AASDH: variants seen among roughly 807,000 people sequenced by gnomAD.
The protein encoded by AASDH is beta-alanine-activating enzyme.
A neutral mutation model predicts 102.3 loss-of-function variants in AASDH; 81 were observed. The ratio of observed to expected loss-of-function variants is 0.79; its 90% CI spans 0.66 to 0.95. The LOEUF (loss-of-function observed/expected upper bound fraction) is 0.95, where lower values mean the gene tolerates loss of function less well. Ranked by LOEUF, AASDH falls within the 40% of genes least tolerant of loss-of-function variation. The pLI is 0.00. For synonymous variants in AASDH, 398 were observed against 454.0 expected, an observed-to-expected ratio of 0.88 and a Z score of 1.57; for missense variants, 1,203 against 1,266.2, an observed-to-expected ratio of 0.95 and a Z score of 0.76.
At chr4:56,385,296 A>G (rs1233287338) in intron 1 of AASDH, among the ~76,000 whole-genome samples, 1 of 152,214 alleles carries the variant, frequency 6.6e-6, no homozygotes, top group East Asian at 1.9e-4. Context: ...TACTTGTATA[A>G]TTGTCAAGAA....
chr4:56,374,776 T>C (rs1752161020), intron 4 of AASDH, among the ~76,000 whole-genome samples: 1 of 152,208 alleles, frequency 6.6e-6, no homozygotes. Context: ...CTCAGTCCCC[T>C]AGATACTGCG....
intron 5 of AASDH, among the ~76,000 whole-genome samples, chr4:56,370,287 C>T (rs79018545): frequency 0.021 from 3,124 of 151,910 alleles, 48 homozygotes; most frequent in South Asian, 0.046. Context: ...CGCCGGAACC[C>T]AGGAGGCAGA....
chr4:56,356,082 T>C (rs962383338), intron 5 of AASDH: 5 of 598,168 alleles, frequency 8.4e-6, no homozygotes, highest in African/African-American at 3.7e-5. Flanking sequence ...ATAAAAAGTA[T>C]ACAAAAGGGT....
chr4:56,365,909 C>CA (rs1241288859), intron 5 of AASDH, among the ~76,000 whole-genome samples: 5 of 151,938 alleles, frequency 3.3e-5, no homozygotes, highest in East Asian at 1.9e-4. Context: ...AAAATCCCTT[C>CA]AAAAAATCAA....
intron 5 of AASDH, among the ~76,000 whole-genome samples, chr4:56,363,420 G>C (rs1159969307): frequency 1.3e-5 from 2 of 152,266 alleles, no homozygotes; most frequent in Admixed American, 6.5e-5. Context: ...CGGGCAGACT[G>C]CCTCCTCAAG....
At chr4:56,383,781 T>A (rs1753243433) in intron 2 of AASDH, among the ~76,000 whole-genome samples, 2 of 152,228 alleles carry the variant, frequency 1.3e-5, no homozygotes, top group Non-Finnish European at 2.9e-5. Context: ...GTGTTATAAA[T>A]TGTTATAATT....
Position 56,342,866 on chromosome 4 carries a change from T to A in AASDH, c.2876A>T (p.Asn959Ile). 2 of 1,523,278 alleles carry A rather than the reference T, an allele frequency of 1.3e-6. No homozygotes were observed. The highest frequency in any genetic ancestry group is 1.8e-6 in the Non-Finnish European group (2 of 1,132,432). The allele number at this position is 1,523,278 out of a possible 1,614,324, so 94.4% of individuals were successfully genotyped here. A position where few individuals can be genotyped will look rare whatever the true frequency, so the allele number is the denominator to read the frequency against. Residue 959 changes from asparagine (N) to isoleucine (I), a missense_variant, in exon 14 of 15, where the codon AAT (asparagine) becomes ATT (isoleucine). Physicochemically the swap from Asn to Ile is moderately radical, Grantham distance 149. Coordinates refer to ENST00000205214, the MANE Select transcript of AASDH (RefSeq NM_181806.4). ...QYICIGCVDG[N>I]LLCFTHFGEQ... ...TCCAAAGTGAGTAAAGCAGAGTAAA[T>A]TCCCATCTACACAGCCAATACAAAT... is the stretch of plus-strand genomic sequence containing the variant.
chr4:56,345,662 G>A (rs1312887926), intron 11 of AASDH, among the ~76,000 whole-genome samples: 1 of 152,150 alleles, frequency 6.6e-6, no homozygotes, highest in Non-Finnish European at 1.5e-5. Context: ...GTGTTGCTAA[G>A]CCCCAAATTA....
intron 3 of AASDH, 117 bp from the exon 4 acceptor site, chr4:56,378,581 G>A: frequency 1.1e-6 from 1 of 944,414 alleles, no homozygotes; most frequent in Non-Finnish European, 1.6e-6. Flanking sequence ...ATTGGTTCTA[G>A]GATCATCTCA....
At chr4:56,345,085 G>T in intron 12 of AASDH, 42 bp downstream of exon 12, 1 of 1,602,514 alleles carries the variant, frequency 6.2e-7, no homozygotes. Context: ...ACCATTACAG[G>T]CATGCGCCAC....
chr4:56,346,568 C>T (rs574061150), intron 11 of AASDH, among the ~76,000 whole-genome samples: 9 of 152,172 alleles, frequency 5.9e-5, no homozygotes, highest in South Asian at 4.2e-4. Flanking sequence ...TATGTCACTA[C>T]GCTAAAAGAA....
In AASDH at chr4:56,356,217, A is replaced by G; in HGVS notation, c.862-794T>C. On this transcript the variant is annotated intron_variant, in intron 5 of 14. Transcript: ENST00000205214. Reference sequence around the variant, plus strand: ...AAGCAGGAGGACAAGAAAGTGGTGAATCCCCTGTTTGAGAAAAGGCCTAAG... The same window carrying G: ...AAGCAGGAGGACAAGAAAGTGGTGAGTCCCCTGTTTGAGAAAAGGCCTAAG... 5.3e-6 allele frequency: 4 copies of G among 760,148 alleles called. No individual in the cohort carries two copies. In the Admixed American group the frequency reaches 7.0e-5, roughly 13 times the overall value. The allele number at this position is 760,148 out of a possible 1,614,324, so 47.1% of individuals were successfully genotyped here.
intron 1 of AASDH, among the ~76,000 whole-genome samples, chr4:56,384,657 TA>T (rs148288440): frequency 0.016 from 2,418 of 152,174 alleles, 75 homozygotes; most frequent in African/African-American, 0.055. Context: ...ATGAAATATA[TA>T]AAAAATTAAT....
intron 5 of AASDH, among the ~76,000 whole-genome samples, chr4:56,363,133 AGC>A (rs1370536464): frequency 1.3e-5 from 2 of 152,228 alleles, no homozygotes; most frequent in East Asian, 3.9e-4. Flanking sequence ...TTGCTAGCAC[AGC>A]AGTCTGAGAT....
intron 1 of AASDH, among the ~76,000 whole-genome samples, chr4:56,385,894 C>T (rs774135695): frequency 6.6e-6 from 1 of 151,938 alleles, no homozygotes; most frequent in Non-Finnish European, 1.5e-5. Context: ...CAGGCGGAGC[C>T]ACCGCGCCCG....
chr4:56,362,995 G>A (rs961241705), intron 5 of AASDH, among the ~76,000 whole-genome samples: 1 of 152,188 alleles, frequency 6.6e-6, no homozygotes, highest in Non-Finnish European at 1.5e-5. Flanking sequence ...GGTGACAGAC[G>A]GCACCTGGAA....
rs1218020199 is a variant in AASDH, at chr4:56,378,205, A to C, written c.611T>G (p.Ile204Arg). Reference sequence around the variant, plus strand: ...ATGAGGCACTCTGACAATCTTCGGTATCCCTGTAGTCCCTGATGTATGTAG... The same window carrying C: ...ATGAGGCACTCTGACAATCTTCGGTCTCCCTGTAGTCCCTGATGTATGTAG... ...YVLHTSGTTGIPKIVRVPHKC... is the reference protein window; with the variant it reads ...YVLHTSGTTGRPKIVRVPHKC... Residue 204 changes from isoleucine (I) to arginine (R), a missense_variant, in exon 4 of 15, where the codon ATA becomes AGA. Coordinates refer to ENST00000205214, the MANE Select transcript of AASDH (RefSeq NM_181806.4). 1.2e-6 allele frequency: 2 copies of C among 1,613,446 alleles called. No homozygotes were observed. The highest frequency in any genetic ancestry group is 2.7e-5 in the African/African-American group (2 of 74,878).
chr4:56,379,972 G>A (rs1267728066), intron 3 of AASDH, among the ~76,000 whole-genome samples: 1 of 152,174 alleles, frequency 6.6e-6, no homozygotes, highest in African/African-American at 2.4e-5. Context: ...TAACCTGTAA[G>A]TGACAGGATC....
chr4:56,385,792 T>C (rs1164672881), intron 1 of AASDH, among the ~76,000 whole-genome samples: 1 of 152,138 alleles, frequency 6.6e-6, no homozygotes, highest in African/African-American at 2.4e-5. Flanking sequence ...TTTTTTTAAG[T>C]AGACACAGGG....
Sources: gnomAD v4.1 joint callset for allele counts (sites outside exome capture counted in the v4.1 genomes callset) on GRCh38, gnomAD v4.1.1 for gene constraint, MANE v1.5 for transcripts, NCBI Gene and HGNC (gene_info 2026-07-23, HGNC 2026-07-21) for gene names.